The following LARGE1 variants were observed in gnomAD, a reference collection of about 807,000 sequenced individuals.
The protein encoded by LARGE1 is xylosyl- and glucuronyltransferase LARGE1.
In LARGE1, 43 loss-of-function variants were observed where a neutral mutation model predicts 87.6. The ratio of observed to expected loss-of-function variants is 0.49; its 90% confidence interval spans 0.38 to 0.63. The LOEUF is 0.63. Among genes scored for constraint, LARGE1 ranks in the 30% least tolerant of loss-of-function variants. LARGE1 has a pLI of 0.00. For synonymous variants in LARGE1, 434 were observed against 394.6 expected, an observed-to-expected ratio of 1.10 and a Z score of -1.18; for missense variants, 802 against 1,000.2, an observed-to-expected ratio of 0.80 and a Z score of 2.67.
chr22:33,564,704 T>G, intron 6 of LARGE1, 144 bp downstream of exon 6: 1 of 776,562 alleles, frequency 1.3e-6, no homozygotes. Flanking sequence ...GAGTTGATAT[T>G]GAACCATATT....
intron 2 of LARGE1, among the ~76,000 whole-genome samples, chr22:33,691,495 G>A (rs1365938503): frequency 6.6e-6 from 1 of 152,150 alleles, no homozygotes; most frequent in Non-Finnish European, 1.5e-5. Flanking sequence ...TGACTGCACA[G>A]TAAGAAACTA....
intron 1 of LARGE1, among the ~76,000 whole-genome samples, chr22:33,842,158 G>T (rs940204458): frequency 2.0e-5 from 3 of 152,090 alleles, no homozygotes; most frequent in African/African-American, 7.2e-5. Flanking sequence ...AAGTAAAATC[G>T]AAAAGCTTTT....
At chr22:33,641,231 C>T (rs766284199) in intron 3 of LARGE1, among the ~76,000 whole-genome samples, 214 of 152,248 alleles carry the variant, frequency 1.4e-3, no homozygotes, top group Non-Finnish European at 2.1e-3. Context: ...CTGAAGCCTC[C>T]GCTGGTGATA....
chr22:33,305,534 A>C, intron 11 of LARGE1: 1 of 970,270 alleles, frequency 1.0e-6, no homozygotes, highest in South Asian at 4.7e-5. Context: ...TTCCTTACCC[A>C]GCAAGAGGTA....
In LARGE1 at chr22:33,616,180, C is replaced by T. The variant is rs1049860852; in HGVS notation, c.491+10064G>A. ...ACAGATGTCAACACAAAAGCTTATA[C>T]AGAACATTCTTAGCAGAATTGTTCA... is the stretch of plus-strand genomic sequence containing the variant. On this transcript the variant is annotated intron_variant, in intron 4 of 14. Transcript: ENST00000397394. Among the ~76,000 whole-genome samples the T allele has an allele frequency of 2.6e-5, 4 of 152,104 alleles. 1 individual carries two copies. Among genetic ancestry groups the T allele is most frequent in the Middle Eastern group, 6.8e-3 (2 of 294 alleles).
chr22:33,153,157 G>A, the LARGE1 span, among the ~76,000 whole-genome samples: 1 of 151,944 alleles, frequency 6.6e-6, no homozygotes, highest in Non-Finnish European at 1.5e-5. Flanking sequence ...TATCTTCATT[G>A]ACTTTTAAAT....
chr22:33,170,799 T>C (rs1208714657), intron 11 of LARGE1, among the ~76,000 whole-genome samples: 1 of 152,176 alleles, frequency 6.6e-6, no homozygotes, highest in African/African-American at 2.4e-5. Flanking sequence ...GTACCATCAG[T>C]GGTACTGCTA....
At chr22:33,868,163 A>G (rs1281927971) in intron 1 of LARGE1, among the ~76,000 whole-genome samples, 1 of 152,212 alleles carries the variant, frequency 6.6e-6, no homozygotes, top group African/African-American at 2.4e-5. Context: ...AAATGGTGAC[A>G]ACAGGCCCTG....
intron 7 of LARGE1, among the ~76,000 whole-genome samples, chr22:33,419,484 C>G (rs2066616577): frequency 6.6e-6 from 1 of 152,118 alleles, no homozygotes; most frequent in South Asian, 2.1e-4. Flanking sequence ...TCCTCTCTAT[C>G]TGGGATGCTC....
intron 6 of LARGE1, among the ~76,000 whole-genome samples, chr22:33,549,783 T>C (rs1202368551): frequency 1.3e-5 from 2 of 152,212 alleles, no homozygotes; most frequent in Admixed American, 1.3e-4. Flanking sequence ...TTCCCAGCCC[T>C]GTGTCCAAGT....
intron 1 of LARGE1, among the ~76,000 whole-genome samples, chr22:33,767,421 A>G (rs1269425934): frequency 2.7e-5 from 4 of 149,526 alleles, no homozygotes; most frequent in Non-Finnish European, 5.9e-5. Context: ...ATATATGCAT[A>G]TATATGCATG....
At chr22:33,184,205 G>T (rs1274171577) in intron 11 of LARGE1, among the ~76,000 whole-genome samples, 1 of 149,656 alleles carries the variant, frequency 6.7e-6, no homozygotes, top group Non-Finnish European at 1.5e-5. Context: ...CACATGTTGA[G>T]CAGGGACACA....
chr22:33,568,215 T>C (rs2078084892), intron 5 of LARGE1, among the ~76,000 whole-genome samples: 1 of 152,068 alleles, frequency 6.6e-6, no homozygotes, highest in Admixed American at 6.6e-5. Context: ...AGCCTACCTG[T>C]GGCAACGCAT....
intron 2 of LARGE1, among the ~76,000 whole-genome samples, chr22:33,691,541 G>A (rs536044955): frequency 3.7e-4 from 57 of 152,218 alleles, no homozygotes; most frequent in African/African-American, 1.3e-3. Context: ...TCCTCATGGG[G>A]CAGGAAACAA....
chr22:33,754,405 G>A (rs1465171945), intron 2 of LARGE1, among the ~76,000 whole-genome samples: 7 of 150,952 alleles, frequency 4.6e-5, no homozygotes, highest in East Asian at 2.0e-4. Flanking sequence ...GCGCCATCTC[G>A]GCTCACTGCA....
chr22:33,222,805 G>T (rs944480914), intron 11 of LARGE1, among the ~76,000 whole-genome samples: 1 of 152,134 alleles, frequency 6.6e-6, no homozygotes, highest in Non-Finnish European at 1.5e-5. Context: ...TTGGCACCTG[G>T]TTTTTTGGCA....
intron 1 of LARGE1, among the ~76,000 whole-genome samples, chr22:33,820,272 C>T (rs2086781102): frequency 6.6e-6 from 1 of 152,090 alleles, no homozygotes; most frequent in African/African-American, 2.4e-5. Context: ...AATTTTTCTT[C>T]CCTTTATTTT....
chr22:33,869,032 G>T (rs961756609), intron 1 of LARGE1, among the ~76,000 whole-genome samples: 4 of 152,172 alleles, frequency 2.6e-5, no homozygotes, highest in African/African-American at 9.6e-5. Context: ...GCAGAATGTA[G>T]ACAGGGAGAG....
chr22:33,606,045 C>T (rs1004355230), intron 4 of LARGE1, among the ~76,000 whole-genome samples: 3 of 151,906 alleles, frequency 2.0e-5, no homozygotes, highest in Non-Finnish European at 2.9e-5. Context: ...GGGCCGGGGG[C>T]GGAGGGGCTT....
Sources: allele counts gnomAD v4.1 joint callset (sites outside exome capture counted in the v4.1 genomes callset), GRCh38; gene constraint gnomAD v4.1.1; transcripts MANE v1.5; gene names NCBI Gene and HGNC (gene_info 2026-07-23, HGNC 2026-07-21).